ACLY: variants seen among roughly 807,000 people sequenced by gnomAD.
ACLY encodes the protein ATP-citrate synthase.
A neutral mutation model predicts 133.0 loss-of-function variants in ACLY; 41 were observed. The observed-to-expected ratio is 0.31, with a 90% CI of 0.24 to 0.40. The LOEUF is 0.40. ACLY is among the 10% of genes least tolerant of loss of function. The pLI, the probability that ACLY is intolerant of heterozygous loss-of-function variation, is 1.00. For synonymous variants in ACLY, 495 were observed against 549.3 expected, an observed-to-expected ratio of 0.90 and a Z score of 1.38; for missense variants, 1,046 against 1,453.8, an observed-to-expected ratio of 0.72 and a Z score of 4.56.
chr17:41,925,167 C>G (rs1164657614), intron 1 of ACLY, among the ~76,000 whole-genome samples: 1 of 151,744 alleles, frequency 6.6e-6, no homozygotes, highest in African/African-American at 2.4e-5. Flanking sequence ...TCCCAAGAAG[C>G]TGGGGTTACA....
intron 20 of ACLY, among the ~76,000 whole-genome samples, chr17:41,880,703 G>A (rs1414820044): frequency 6.6e-6 from 1 of 151,626 alleles, no homozygotes; most frequent in African/African-American, 2.4e-5. Context: ...TCTACTAAAA[G>A]AATACAAAAA....
At position 41,892,377 on chromosome 17, in the gene ACLY, C is replaced by G. The variant is rs1555629514; in HGVS notation, c.1672G>C (p.Asp558His). The part of the protein sequence containing the change: ...ILIPVFKNMA[D>H]AMRKHPEVDV... ...ACCTCCGGATGCTTCCTCATGGCATCAGCCATGTTCTTGAAGACAGGGATC... is the reference window on the plus strand; with the variant it reads ...ACCTCCGGATGCTTCCTCATGGCATGAGCCATGTTCTTGAAGACAGGGATC... Residue 558 changes from aspartate (D) to histidine (H), a missense_variant, in exon 16 of 29, where the codon GAT becomes CAT. Asp to His is a moderately conservative substitution (Grantham distance 81). Transcript: ENST00000352035. 6.2e-7 allele frequency: 1 copy of G among 1,613,632 alleles called. No homozygotes were observed. The highest frequency in any genetic ancestry group is 8.5e-7 in the Non-Finnish European group (1 of 1,179,808).
intron 15 of ACLY, 108 bp from the exon 16 acceptor site, chr17:41,892,555 T>C: frequency 2.0e-6 from 2 of 1,007,978 alleles, no homozygotes; most frequent in Non-Finnish European, 2.9e-6. Flanking sequence ...GCATGGTCTG[T>C]GCCCTCAAAG....
At chr17:41,895,091 C>T (rs1269124410) in intron 14 of ACLY, among the ~76,000 whole-genome samples, 1 of 152,236 alleles carries the variant, frequency 6.6e-6, no homozygotes, top group African/African-American at 2.4e-5. Context: ...AGTTCTCCCA[C>T]TTCCCAGTCC....
At chr17:41,923,846 T>G (rs185886452), upstream of ACLY, among the ~76,000 whole-genome samples, 1 of 152,296 alleles carries the variant, frequency 6.6e-6, no homozygotes, top group East Asian at 1.9e-4. Context: ...AGTCTCACCC[T>G]GTCACCCAGG....
At chr17:41,913,926 G>A (rs782638214) in intron 1 of ACLY, 30 bp from the exon 2 acceptor site, 2 of 1,609,156 alleles carry the variant, frequency 1.2e-6, no homozygotes, top group African/African-American at 2.7e-5. Context: ...TGGTCAGAAG[G>A]GGGCAGGCGT....
At chr17:41,902,306 T>C (rs9908748) in intron 10 of ACLY, among the ~76,000 whole-genome samples, 133,886 of 152,222 alleles carry the variant, frequency 0.88, 59,316 homozygotes, top group East Asian at 1. Flanking sequence ...CTCTGCCTCC[T>C]GGGTTCAAGC....
At chr17:41,920,832 G>C (rs1236322759), upstream of ACLY, among the ~76,000 whole-genome samples, 1 of 152,068 alleles carries the variant, frequency 6.6e-6, no homozygotes, top group Admixed American at 6.5e-5. Context: ...TAGGTGGGTA[G>C]ATCACCTGAG....
At chr17:41,890,837 CAAAAA>C (rs34510712) in intron 16 of ACLY, among the ~76,000 whole-genome samples, 7 of 73,188 alleles carry the variant, frequency 9.6e-5, no homozygotes, top group Non-Finnish European at 1.4e-4. Context: ...CCCATCTGTA[CAAAAA>C]AAAAAAAAAA....
intron 3 of ACLY, among the ~76,000 whole-genome samples, chr17:41,911,468 T>C (rs1299053659): frequency 6.6e-6 from 1 of 152,234 alleles, no homozygotes; most frequent in Non-Finnish European, 1.5e-5. Context: ...TAAACCATGT[T>C]TCACTTTAAC....
intron 16 of ACLY, among the ~76,000 whole-genome samples, chr17:41,889,162 C>G (rs568680547): frequency 5.4e-4 from 82 of 152,056 alleles, no homozygotes; most frequent in African/African-American, 1.8e-3. Flanking sequence ...AAAAACAGCC[C>G]TAAAACTAGG....
chr17:41,892,509 G>T, intron 15 of ACLY, 62 bp from the exon 16 acceptor site: 1 of 1,479,902 alleles, frequency 6.8e-7, no homozygotes, highest in Non-Finnish European at 9.3e-7. Context: ...GGAAGGGGAA[G>T]CTGAGGGGAG....
chr17:41,909,181 G>A (rs905248707), intron 5 of ACLY, 113 bp from the exon 6 acceptor site: 13 of 811,416 alleles, frequency 1.6e-5, no homozygotes, highest in African/African-American at 1.5e-4. Flanking sequence ...TTCCCTAAAC[G>A]CACCCCACTG....
chr17:41,916,334 A>C (rs2050050463), intron 1 of ACLY, among the ~76,000 whole-genome samples: 1 of 152,042 alleles, frequency 6.6e-6, no homozygotes, highest in Non-Finnish European at 1.5e-5. Flanking sequence ...ATAAATCGCA[A>C]CTTTAGTGGT....
At position 41,901,757 on chromosome 17, in the gene ACLY, T is replaced by C; in HGVS notation, c.1122A>G (p.Thr374=). 1 of 1,607,724 alleles carries C rather than the reference T, an allele frequency of 6.2e-7. No individual in the cohort carries two copies. The highest frequency in any genetic ancestry group is 2.3e-5 in the East Asian group (1 of 44,220). The change falls in exon 11 of 29, where the codon ACA becomes ACG. Residue 374 remains threonine, a synonymous_variant. Transcript: ENST00000352035. Reference sequence around the variant, plus strand: ...TGGGGCCACCTCTTCGGACAAAGATTGTGACTTCGTGCTCCTTCAGGGGGC... The same window carrying C: ...TGGGGCCACCTCTTCGGACAAAGATCGTGACTTCGTGCTCCTTCAGGGGGC... The part of the protein sequence containing the change: ...YQGPLKEHEV[T]IFVRRGGPNY...
intron 16 of ACLY, among the ~76,000 whole-genome samples, 190 bp downstream of exon 16, chr17:41,892,089 T>G (rs1383220009): frequency 6.6e-6 from 1 of 152,158 alleles, no homozygotes; most frequent in African/African-American, 2.4e-5. Context: ...GAAGATCATG[T>G]GTCTCCAACC....
At chr17:41,904,422 C>T (rs1378178428) in intron 10 of ACLY, 2 of 311,118 alleles carry the variant, frequency 6.4e-6, no homozygotes, top group Non-Finnish European at 1.2e-5. Flanking sequence ...AAGAAAGGAT[C>T]GATTGAGCCA....
At chr17:41,871,664 C>G in intron 25 of ACLY, 25 bp downstream of exon 25, 1 of 1,613,626 alleles carries the variant, frequency 6.2e-7, no homozygotes, top group East Asian at 2.2e-5. Flanking sequence ...CTCCATCCCA[C>G]TTTTTTAGGA....
chr17:41,898,574 C>A, intron 12 of ACLY, 57 bp downstream of exon 12: 1 of 1,588,946 alleles, frequency 6.3e-7, no homozygotes, highest in Non-Finnish European at 8.6e-7. Context: ...AGACTGTATC[C>A]TAGTGGAAAA....
Sources: gnomAD v4.1 joint callset for allele counts (sites outside exome capture counted in the v4.1 genomes callset) on GRCh38, gnomAD v4.1.1 for gene constraint, MANE v1.5 for transcripts, NCBI Gene and HGNC (gene_info 2026-07-23, HGNC 2026-07-21) for gene names.